UGT2A1: variants seen among roughly 807,000 people sequenced by gnomAD.
UGT2A1 encodes the protein UDP glucuronosyltransferase family 2 member A1 complex locus.
UGT2A1 carries 61 observed loss-of-function variants against 45.4 expected under a neutral mutation model. The ratio of observed to expected loss-of-function variants is 1.34; its 90% CI spans 1.09 to 1.66. The LOEUF is 1.66. Among genes scored for constraint, UGT2A1 ranks in the 40% most tolerant of loss-of-function variants. The pLI, the probability that UGT2A1 is intolerant of heterozygous loss-of-function variation, is 0.00. For synonymous variants in UGT2A1, 229 were observed against 196.2 expected (o/e 1.17, Z -1.40); for missense variants, 649 against 574.3 (o/e 1.13, Z -1.33).
intron 1 of UGT2A1, among the ~76,000 whole-genome samples, chr4:69,650,215 C>T (rs577097687): frequency 1.3e-5 from 2 of 152,210 alleles, no homozygotes; most frequent in African/African-American, 4.8e-5. Context: ...GAGACTGCTC[C>T]AGTGACCCTG....
intron 3 of UGT2A1, among the ~76,000 whole-genome samples, chr4:69,608,668 C>T (rs916292774): frequency 5.3e-5 from 8 of 151,856 alleles, no homozygotes; most frequent in Admixed American, 5.3e-4. Context: ...CTCAACTCTG[C>T]AAAATACACA....
At chr4:69,595,557 G>A (rs189808968) in intron 4 of UGT2A1, among the ~76,000 whole-genome samples, 52 of 152,004 alleles carry the variant, frequency 3.4e-4, no homozygotes, top group African/African-American at 1.3e-3. Flanking sequence ...AACATGAAGG[G>A]GAAAAATCAT....
At chr4:69,619,184 G>A (rs1009442530) in intron 3 of UGT2A1, among the ~76,000 whole-genome samples, 2 of 151,764 alleles carry the variant, frequency 1.3e-5, no homozygotes, top group African/African-American at 4.8e-5. Context: ...GATTGCTTGA[G>A]CCCAGGAGTT....
intron 3 of UGT2A1, 102 bp from the exon 4 acceptor site, chr4:69,599,496 A>G (rs1019712468): frequency 1.5e-4 from 222 of 1,527,392 alleles, no homozygotes; most frequent in Non-Finnish European, 1.8e-4. Context: ...TTAAGAAAAA[A>G]CTGAATTAGG....
chr4:69,641,718 C>T (rs1433972347), intron 2 of UGT2A1, among the ~76,000 whole-genome samples: 1 of 151,730 alleles, frequency 6.6e-6, no homozygotes, highest in Non-Finnish European at 1.5e-5. Flanking sequence ...TTAAATGATT[C>T]ACCACTTTCT....
chr4:69,644,424 G>GTACA (rs1025975229), intron 2 of UGT2A1, among the ~76,000 whole-genome samples: 3 of 151,678 alleles, frequency 2.0e-5, no homozygotes, highest in Non-Finnish European at 3.0e-5. Context: ...GACGGTCTAT[G>GTACA]TACATTCCGC....
chr4:69,601,640 C>A (rs1719301447), intron 3 of UGT2A1, among the ~76,000 whole-genome samples: 1 of 152,108 alleles, frequency 6.6e-6, no homozygotes, highest in African/African-American at 2.4e-5. Flanking sequence ...GTTACTACCA[C>A]AGCTGGCATT....
intron 6 of UGT2A1, among the ~76,000 whole-genome samples, chr4:69,590,889 ATAAT>A (rs1234777114): frequency 6.6e-6 from 1 of 152,196 alleles, no homozygotes; most frequent in African/African-American, 2.4e-5. Flanking sequence ...AATATTCTGA[ATAAT>A]TAAATTACAA....
At chr4:69,616,047 C>G (rs999086715) in intron 3 of UGT2A1, among the ~76,000 whole-genome samples, 1 of 151,944 alleles carries the variant, frequency 6.6e-6, no homozygotes, top group African/African-American at 2.4e-5. Flanking sequence ...AAGTGAAAAT[C>G]CCGTCATTTG....
chr4:69,608,134 A>G (rs1318220671), intron 3 of UGT2A1, among the ~76,000 whole-genome samples: 2 of 152,172 alleles, frequency 1.3e-5, no homozygotes, highest in African/African-American at 4.8e-5. Context: ...TGTTTATTGC[A>G]GCGCTATTCA....
intron 1 of UGT2A1, among the ~76,000 whole-genome samples, chr4:69,650,776 C>G (rs1722485496): frequency 6.6e-6 from 1 of 152,008 alleles, no homozygotes; most frequent in South Asian, 2.1e-4. Context: ...GAGAAATTAA[C>G]AAGGGCCTTC....
intron 1 of UGT2A1, among the ~76,000 whole-genome samples, chr4:69,651,261 T>C (rs1032648924): frequency 1.3e-5 from 2 of 152,196 alleles, no homozygotes; most frequent in Non-Finnish European, 2.9e-5. Flanking sequence ...TGAATTTGTG[T>C]TTGTAATTAC....
chr4:69,638,571 T>C (rs80335439), intron 2 of UGT2A1, among the ~76,000 whole-genome samples: 6,255 of 152,248 alleles, frequency 0.041, 146 homozygotes, highest in Middle Eastern at 0.072. Context: ...CGAAAATATT[T>C]GCCAGGGTAT....
intron 2 of UGT2A1, among the ~76,000 whole-genome samples, chr4:69,645,333 C>T (rs568453408): frequency 2.0e-5 from 3 of 151,842 alleles, no homozygotes; most frequent in East Asian, 3.9e-4. Flanking sequence ...CTCCCATATT[C>T]GCTATCAGGG....
chr4:69,597,715 AAC>A (rs71671445), intron 4 of UGT2A1, among the ~76,000 whole-genome samples: 43 of 150,150 alleles, frequency 2.9e-4, no homozygotes, highest in African/African-American at 4.4e-4. Flanking sequence ...TCATTAAAAT[AAC>A]ACACACACAC....
At chr4:69,600,809 T>TAAAAA (rs34446108) in intron 3 of UGT2A1, among the ~76,000 whole-genome samples, 9 of 145,896 alleles carry the variant, frequency 6.2e-5, no homozygotes, top group African/African-American at 2.3e-4. Flanking sequence ...GCTATACACT[T>TAAAAA]AAAAAAAAAA....
chr4:69,617,504 A>G (rs1720470986), intron 3 of UGT2A1, among the ~76,000 whole-genome samples: 1 of 151,978 alleles, frequency 6.6e-6, no homozygotes, highest in South Asian at 2.1e-4. Context: ...AGATGAACAC[A>G]CACAACATAT....
At position 69,589,544 on chromosome 4, in the gene UGT2A1, G is replaced by A; in HGVS notation, c.1412C>T (p.Ala471Val). 1 of 1,614,006 alleles carries A rather than the reference G, an allele frequency of 6.2e-7. No homozygotes were observed. Among genetic ancestry groups the A allele is most frequent in the Non-Finnish European group, 8.5e-7 (1 of 1,179,966 alleles). Reference protein sequence around the residue: ...WIEFVMRHKGAKHLRVAAHDL... With the variant: ...WIEFVMRHKGVKHLRVAAHDL... ...ATGGGCTGCAACCCGAAGGTGCTTG[G>A]CTCCTTTGTGGCGCATGACAAACTC... The change falls in exon 7 of 7, where the codon GCC becomes GTC. Residue 471 changes from alanine (A) to valine (V), a missense_variant. Coordinates refer to ENST00000286604, the MANE Select transcript of UGT2A1 (RefSeq NM_001252275.3).
chr4:69,601,784 C>A lies in UGT2A1; in HGVS notation c.848-2390G>T, dbSNP rs563912329. Among the ~76,000 whole-genome samples, 28 of 89,584 alleles carry A rather than the reference C, an allele frequency of 3.1e-4. 4 individuals are homozygous for A. Among genetic ancestry groups the A allele is most frequent in the Non-Finnish European group, 5.8e-4 (26 of 44,656 alleles). 58.8% of individuals were successfully genotyped at this position (89,584 alleles called of 152,430 possible). A position where few individuals can be genotyped will look rare whatever the true frequency, so the allele number is the denominator to read the frequency against. ...TAGAGGACAGGTCATATCACTGGAT[C>A]CCTTGCAGACATTCCCTAGCACCAG... On this transcript the variant is annotated intron_variant, in intron 3 of 6. Transcript: ENST00000286604.
Sources: gnomAD v4.1 joint callset for allele counts (sites outside exome capture counted in the v4.1 genomes callset) on GRCh38, gnomAD v4.1.1 for gene constraint, MANE v1.5 for transcripts, NCBI Gene and HGNC (gene_info 2026-07-23, HGNC 2026-07-21) for gene names.